Variants in BCAS3 observed in about 807,000 individuals in gnomAD.
BCAS3 encodes the protein BCAS4/BCAS3 fusion.
Under a neutral mutation model 116.1 loss-of-function variants are expected in BCAS3, and 53 were observed. The ratio of observed to expected loss-of-function variants is 0.46; its 90% CI spans 0.37 to 0.57. The LOEUF (loss-of-function observed/expected upper bound fraction) is 0.57, where lower values mean the gene tolerates loss of function less well. BCAS3 is among the 20% of genes least tolerant of loss of function. BCAS3 has a pLI of 0.00. For missense variants in BCAS3, 917 were observed against 1,165.4 expected (o/e 0.79, Z 3.10); for synonymous variants, 391 against 408.2 (o/e 0.96, Z 0.51).
intron 22 of BCAS3, among the ~76,000 whole-genome samples, chr17:61,160,592 A>G (rs1407709545): frequency 6.6e-6 from 1 of 152,216 alleles, no homozygotes; most frequent in African/African-American, 2.4e-5. Flanking sequence ...TAAATATCAC[A>G]AAAATTGTAT....
chr17:60,855,564 C>G (rs1261176134), intron 7 of BCAS3, among the ~76,000 whole-genome samples: 1 of 151,438 alleles, frequency 6.6e-6, no homozygotes, highest in African/African-American at 2.4e-5. Context: ...ACGCCATTCT[C>G]CTGCCTCAGC....
In BCAS3 at chr17:61,128,336, A is replaced by G. The variant is rs1601453627; in HGVS notation, c.2425+43772A>G. On this transcript the variant is annotated intron_variant, in intron 22 of 23. Coordinates refer to ENST00000407086, the MANE Select transcript of BCAS3 (RefSeq NM_017679.5). This position sits in a 1 kb window ranked among gnomAD's most constrained non-coding sequence, Gnocchi z 4.1. ...GACTTAGTGAAATATGCAGAGCTCC[A>G]TTCCAGTTCCTTTCTTATTTGTTTG... 1.0e-6 allele frequency: 1 copy of G among 985,422 alleles called. No individual in the cohort carries two copies. The highest frequency in any genetic ancestry group is 1.1e-4 in the East Asian group (1 of 8,806). The allele number at this position is 985,422 out of a possible 1,614,324, so 61.0% of individuals were successfully genotyped here.
chr17:60,848,670 A>G (rs569782942), intron 7 of BCAS3, among the ~76,000 whole-genome samples: 1 of 151,922 alleles, frequency 6.6e-6, no homozygotes, highest in East Asian at 1.9e-4. Flanking sequence ...TGGGTTTTTC[A>G]TGAGCCATTT....
chr17:61,078,974 T>C (rs2072289533), intron 21 of BCAS3, among the ~76,000 whole-genome samples: 1 of 152,218 alleles, frequency 6.6e-6, no homozygotes, highest in African/African-American at 2.4e-5. Flanking sequence ...ATAAATTCAA[T>C]TATAGTTTAT....
In BCAS3 at chr17:61,369,212, G is replaced by A. The variant is rs184701381; in HGVS notation, c.2593+718G>A. The stretch of plus-strand genomic sequence containing the variant: ...CTTCTTTGTTCTAGATAGCTGTGCT[G>A]TTAGTGACTGCCCTAGCCCTGCTTT... On this transcript the variant is annotated intron_variant, in intron 23 of 23. Transcript: ENST00000407086. 8.1e-4 allele frequency among the ~76,000 whole-genome samples: 124 copies of A among 152,334 alleles called. 1 individual carries two copies. The highest frequency in any genetic ancestry group is 2.7e-3 in the African/African-American group (114 of 41,576).
intron 6 of BCAS3, among the ~76,000 whole-genome samples, chr17:60,807,772 ACT>A (rs2144622105): frequency 6.8e-6 from 1 of 147,954 alleles, no homozygotes; most frequent in African/African-American, 2.5e-5. Context: ...ACAGAGCGAG[ACT>A]CTGTCTCAAA....
chr17:61,028,650 G>T lies in BCAS3; in HGVS notation c.1638-6016G>T, dbSNP rs1280638607. Among the ~76,000 whole-genome samples, 1 of 151,866 alleles carries T rather than the reference G, an allele frequency of 6.6e-6. No homozygotes were observed. The highest frequency in any genetic ancestry group is 1.5e-5 in the Non-Finnish European group (1 of 67,812). On this transcript the variant is annotated intron_variant, in intron 16 of 23. Coordinates refer to ENST00000407086, the MANE Select transcript of BCAS3 (RefSeq NM_017679.5). This position sits in a 1 kb window ranked among gnomAD's most constrained non-coding sequence, Gnocchi z 4.3. The stretch of plus-strand genomic sequence containing the variant: ...AGTTCATTCCTTCAACAGCTTACGT[G>T]CTCCTCACATTTAAGCAAAAGCACT...
chr17:61,292,960 C>A (rs2052573540), intron 22 of BCAS3, among the ~76,000 whole-genome samples: 2 of 152,112 alleles, frequency 1.3e-5, no homozygotes, highest in African/African-American at 4.8e-5. Context: ...TAAGCAATAA[C>A]CAATGTTCAA....
rs972407976 is a variant in BCAS3 at position 60,794,299 on chromosome 17, T to A, written c.404-13705T>A. ...GTTTGAGTTCGTTGTAGATTCTGGATATTAGCCCTTTGTCAGATGTGTAGA... is the reference window on the plus strand; with the variant it reads ...GTTTGAGTTCGTTGTAGATTCTGGAAATTAGCCCTTTGTCAGATGTGTAGA... On this transcript the variant is annotated intron_variant, in intron 6 of 23. Coordinates refer to ENST00000407086, the MANE Select transcript of BCAS3 (RefSeq NM_017679.5). 2.6e-5 allele frequency among the ~76,000 whole-genome samples: 4 copies of A among 152,340 alleles called. 1 individual carries two copies. The highest frequency in any genetic ancestry group is 2.6e-4 in the Admixed American group (4 of 15,306).
chr17:61,369,723 G>A (rs2058947557), intron 23 of BCAS3, among the ~76,000 whole-genome samples: 1 of 152,202 alleles, frequency 6.6e-6, no homozygotes, highest in South Asian at 2.1e-4. Flanking sequence ...TGCAAGGGAG[G>A]AAGAGGGGGA....
At chr17:61,294,309 C>A (rs1298937348) in intron 22 of BCAS3, among the ~76,000 whole-genome samples, 1 of 152,158 alleles carries the variant, frequency 6.6e-6, no homozygotes, top group Admixed American at 6.5e-5. Context: ...TCCCTACTCA[C>A]GGGTCCTTTC....
At chr17:60,819,159 T>C (rs1269007298) in intron 7 of BCAS3, among the ~76,000 whole-genome samples, 1 of 152,224 alleles carries the variant, frequency 6.6e-6, no homozygotes, top group South Asian at 2.1e-4. Flanking sequence ...ATGCTAATTG[T>C]GTACATTTTT....
At chr17:61,036,146 A>G (rs1368451201) in intron 17 of BCAS3, 5 of 152,176 alleles carry the variant, frequency 3.3e-5, no homozygotes, top group Admixed American at 3.3e-4. Context: ...TCATAAACCA[A>G]GTATATAATT....
At chr17:60,805,696 C>T (rs936372744) in intron 6 of BCAS3, among the ~76,000 whole-genome samples, 11 of 151,862 alleles carry the variant, frequency 7.2e-5, no homozygotes, top group Non-Finnish European at 1.2e-4. Context: ...GACATGGTGG[C>T]GGGCACCTGT....
At chr17:60,874,548 T>C (rs2055414031) in intron 8 of BCAS3, 114 bp from the exon 9 acceptor site, 2 of 616,480 alleles carry the variant, frequency 3.2e-6, no homozygotes, top group Admixed American at 6.8e-5. Flanking sequence ...AATTTTAAAA[T>C]TGTATTAGTA....
Position 61,366,072 on chromosome 17 carries a change from G to A in BCAS3, c.2426-2255G>A. ...ACACGAGAATCGCCTGGACCCAGGA[G>A]GCAGAGGTTGCCGTGAGCCAAGATC... On this transcript the variant is annotated intron_variant, in intron 22 of 23. Coordinates refer to ENST00000407086, the MANE Select transcript of BCAS3 (RefSeq NM_017679.5). This position sits in a 1 kb window ranked among gnomAD's most constrained non-coding sequence, Gnocchi z 4.5. 6.6e-6 allele frequency among the ~76,000 whole-genome samples: 1 copy of A among 151,794 alleles called. No homozygotes were observed. The highest frequency in any genetic ancestry group is 2.1e-4 in the South Asian group (1 of 4,810).
At chr17:61,209,043 C>T (rs895309443) in intron 22 of BCAS3, among the ~76,000 whole-genome samples, 2 of 151,956 alleles carry the variant, frequency 1.3e-5, no homozygotes, top group African/African-American at 4.8e-5. Flanking sequence ...AGCAAACAAC[C>T]AGCTGTTCTC....
chr17:61,053,322 C>G (rs551682860), intron 19 of BCAS3, among the ~76,000 whole-genome samples: 1 of 152,180 alleles, frequency 6.6e-6, no homozygotes, highest in Non-Finnish European at 1.5e-5. Context: ...TAAAGCCATG[C>G]ATTTGGGTTT....
rs2076412843 is a variant in BCAS3 at position 61,132,863 on chromosome 17, T to C, written c.2425+48299T>C. On this transcript the variant is annotated intron_variant, in intron 22 of 23. Coordinates refer to ENST00000407086, the MANE Select transcript of BCAS3 (RefSeq NM_017679.5). The surrounding 1 kb of genome is among the most constrained non-coding windows in gnomAD (Gnocchi z 5.1). ...AAGAATCCAAGCAAGGTTCATAAAA[T>C]GCCACCACCCCTGATTCATGACCTG... 1.3e-5 allele frequency among the ~76,000 whole-genome samples: 2 copies of C among 152,142 alleles called. No individual in the cohort carries two copies. The highest frequency in any genetic ancestry group is 4.1e-4 in the South Asian group (2 of 4,820).
Sources: allele counts gnomAD v4.1 joint callset (sites outside exome capture counted in the v4.1 genomes callset), GRCh38; gene constraint gnomAD v4.1.1; non-coding constraint Gnocchi (gnomAD v3.1); transcripts MANE v1.5; gene names NCBI Gene and HGNC (gene_info 2026-07-23, HGNC 2026-07-21).